NPAS3: variants seen among roughly 807,000 people sequenced by gnomAD.
The protein encoded by NPAS3 is neuronal PAS domain-containing protein 3.
Under a neutral mutation model 73.1 loss-of-function variants are expected in NPAS3, and 14 were observed. The ratio of observed to expected loss-of-function variants is 0.19; its 90% CI spans 0.13 to 0.30. NPAS3 has a LOEUF of 0.30. Ranked by LOEUF, NPAS3 falls within the 10% of genes least tolerant of loss-of-function variation. NPAS3 has a pLI of 1.00. For missense variants in NPAS3, 1,096 were observed against 1,250.0 expected, an observed-to-expected ratio of 0.88 and a Z score of 1.86; for synonymous variants, 620 against 541.5, an observed-to-expected ratio of 1.14 and a Z score of -2.01.
chr14:32,957,724 A>G (rs547261013), intron 1 of NPAS3, among the ~76,000 whole-genome samples: 82 of 152,316 alleles, frequency 5.4e-4, no homozygotes, highest in African/African-American at 1.9e-3. Context: ...CTATTCTCTT[A>G]ACAATTTAGA....
At chr14:33,672,325 A>ACTAACATAAAAGAACCAC (rs1477275405) in intron 5 of NPAS3, among the ~76,000 whole-genome samples, 1 of 152,252 alleles carries the variant, frequency 6.6e-6, no homozygotes, top group African/African-American at 2.4e-5. Context: ...ATGCCATTAT[A>ACTAACATAAAAGAACCAC]CTAACATAAA....
At chr14:33,617,969 A>G (rs1208278870) in intron 5 of NPAS3, among the ~76,000 whole-genome samples, 1 of 152,230 alleles carries the variant, frequency 6.6e-6, no homozygotes, top group Non-Finnish European at 1.5e-5. Flanking sequence ...ACTCAGCAAT[A>G]GCTTTTAGGC....
chr14:33,699,503 A>G (rs1187058729), intron 6 of NPAS3, among the ~76,000 whole-genome samples: 1 of 152,156 alleles, frequency 6.6e-6, no homozygotes, highest in East Asian at 1.9e-4. Flanking sequence ...GGGCGCCAGG[A>G]AAGTGGCTGC....
chr14:32,975,474 C>T (rs922141590), intron 1 of NPAS3, among the ~76,000 whole-genome samples: 4 of 152,214 alleles, frequency 2.6e-5, no homozygotes, highest in Admixed American at 6.5e-5. Flanking sequence ...CAGATGTGAA[C>T]TACTGTGCCT....
intron 5 of NPAS3, among the ~76,000 whole-genome samples, chr14:33,652,611 C>T (rs534555906): frequency 6.6e-6 from 1 of 152,258 alleles, no homozygotes; most frequent in South Asian, 2.1e-4. Flanking sequence ...AGTAGGTTGC[C>T]CTCACGAAGC....
At chr14:33,323,824 T>A (rs533986656) in intron 3 of NPAS3, among the ~76,000 whole-genome samples, 106 of 152,348 alleles carry the variant, frequency 7.0e-4, no homozygotes, top group African/African-American at 2.4e-3. Context: ...AATAAATCAT[T>A]CTGGTATAAA....
At position 33,638,590 on chromosome 14, in the gene NPAS3, T is replaced by G. The variant is rs544681802; in HGVS notation, c.559-37621T>G. ...GTCGTACACATATGAACACACTAAG[T>G]GCTCAATAGACATTGGCCATTAGTA... On this transcript the variant is annotated intron_variant, in intron 5 of 11. Transcript: ENST00000356141. Among the ~76,000 whole-genome samples the G allele has an allele frequency of 1.4e-4, 22 of 152,376 alleles. No individual in the cohort carries two copies. In the South Asian group the frequency reaches 3.1e-3, roughly 22 times the overall value.
intron 2 of NPAS3, among the ~76,000 whole-genome samples, chr14:33,072,742 C>G (rs1318201020): frequency 6.6e-6 from 1 of 152,118 alleles, no homozygotes; most frequent in South Asian, 2.1e-4. Context: ...GGGAACCTGC[C>G]CACATAGCCT....
chr14:33,509,042 A>G lies in NPAS3; in HGVS notation c.469-51079A>G, dbSNP rs569846889. Among the ~76,000 whole-genome samples, 8 of 146,170 alleles carry G rather than the reference A, an allele frequency of 5.5e-5. No homozygotes were observed. The South Asian group carries it at 6.8e-4, about 12-fold the overall frequency. On this transcript the variant is annotated intron_variant, in intron 4 of 11. Coordinates refer to ENST00000356141, the Ensembl canonical transcript of NPAS3. ...GTGGTTCTACTCAATATAACCTTTAAAGGTTATCCAACTACTTTTTTTTTT... is the reference window on the plus strand; with the variant it reads ...GTGGTTCTACTCAATATAACCTTTAGAGGTTATCCAACTACTTTTTTTTTT...
At chr14:33,569,702 G>A (rs150758443) in intron 5 of NPAS3, among the ~76,000 whole-genome samples, 1 of 152,200 alleles carries the variant, frequency 6.6e-6, no homozygotes, top group East Asian at 1.9e-4. Flanking sequence ...GAACCTCTGA[G>A]TTTTATTCTA....
intron 7 of NPAS3, among the ~76,000 whole-genome samples, chr14:33,742,457 A>G (rs1777295858): frequency 6.6e-6 from 1 of 152,218 alleles, no homozygotes; most frequent in South Asian, 2.1e-4. Flanking sequence ...TAGTCTATTA[A>G]GTGTACAACA....
intron 3 of NPAS3, among the ~76,000 whole-genome samples, chr14:33,289,350 C>A (rs1172753476): frequency 6.6e-6 from 1 of 152,134 alleles, no homozygotes; most frequent in Admixed American, 6.6e-5. Context: ...TGTGGTATCA[C>A]ACACACATAT....
intron 5 of NPAS3, among the ~76,000 whole-genome samples, chr14:33,659,642 G>C (rs1242378839): frequency 2.0e-5 from 3 of 152,094 alleles, no homozygotes; most frequent in Non-Finnish European, 4.4e-5. Context: ...GTCAGCCAAA[G>C]CCATTAGATT....
chr14:33,286,648 G>T (rs1408374233), intron 3 of NPAS3, among the ~76,000 whole-genome samples: 1 of 152,088 alleles, frequency 6.6e-6, no homozygotes, highest in Non-Finnish European at 1.5e-5. Context: ...TAGCATGAAT[G>T]TGAGGGCTTT....
At position 33,563,728 on chromosome 14, in the gene NPAS3, G is replaced by A. The variant is rs577148259; in HGVS notation, c.558+3518G>A. Among the ~76,000 whole-genome samples, 94 of 152,224 alleles carry A rather than the reference G, an allele frequency of 6.2e-4. 1 individual carries two copies. Among genetic ancestry groups the A allele is most frequent in the African/African-American group, 2.1e-3 (89 of 41,532 alleles). ...CACATACTGATGCTGAGTTTGGCTT[G>A]CATAGAGACTGAATAACTTGTTATA... On this transcript the variant is annotated intron_variant, in intron 5 of 11. Transcript: ENST00000356141.
chr14:33,129,111 C>T (rs2043541048), intron 2 of NPAS3, among the ~76,000 whole-genome samples: 1 of 152,080 alleles, frequency 6.6e-6, no homozygotes, highest in African/African-American at 2.4e-5. Flanking sequence ...AGAGGACTCC[C>T]TGGATGTGGT....
Position 33,544,787 on chromosome 14 carries a change from A to G in NPAS3, c.469-15334A>G, listed in dbSNP as rs867532993. Among the ~76,000 whole-genome samples, 92 of 50,650 alleles carry G rather than the reference A, an allele frequency of 1.8e-3. 5 individuals are homozygous for G. In the African/African-American group the frequency reaches 0.019, roughly 10 times the overall value. 33.2% of individuals were successfully genotyped at this position (50,650 alleles called of 152,430 possible). ...TGCATGTATGTGTTTATGTGTGTGT[A>G]TTATATATATATATATATATATATG... On this transcript the variant is annotated intron_variant, in intron 4 of 11. Coordinates refer to ENST00000356141, the Ensembl canonical transcript of NPAS3.
intron 6 of NPAS3, among the ~76,000 whole-genome samples, chr14:33,711,064 G>A (rs2060804991): frequency 6.6e-6 from 1 of 152,164 alleles, no homozygotes; most frequent in South Asian, 2.1e-4. Flanking sequence ...CATGACTGAA[G>A]CCCGTCTACT....
chr14:33,648,141 T>C (rs2058888014), intron 5 of NPAS3, among the ~76,000 whole-genome samples: 1 of 152,182 alleles, frequency 6.6e-6, no homozygotes, highest in Admixed American at 6.5e-5. Context: ...ACTAGCAGCC[T>C]GTGGGACCCT....
Sources: allele counts gnomAD v4.1 joint callset (sites outside exome capture counted in the v4.1 genomes callset), GRCh38; gene constraint gnomAD v4.1.1; transcripts MANE v1.5; gene names NCBI Gene and HGNC (gene_info 2026-07-23, HGNC 2026-07-21).